The following XIRP2 variants were observed in gnomAD, a reference collection of about 807,000 sequenced individuals.
The protein encoded by XIRP2 is xin actin binding repeat containing 2.
XIRP2 carries 236 observed loss-of-function variants against 277.0 expected under a neutral mutation model. The observed-to-expected ratio is 0.85, with a 90% confidence interval of 0.77 to 0.95. XIRP2 has a LOEUF of 0.95. XIRP2 is among the 40% of genes least tolerant of loss of function. The pLI is 0.00. For missense variants in XIRP2, 4,640 were observed against 4,157.5 expected, an observed-to-expected ratio of 1.12 and a Z score of -3.19; for synonymous variants, 1,490 against 1,416.5, an observed-to-expected ratio of 1.05 and a Z score of -1.17.
At chr2:167,138,476 A>G (rs529757860) in intron 3 of XIRP2, among the ~76,000 whole-genome samples, 2 of 152,260 alleles carry the variant, frequency 1.3e-5, no homozygotes, top group African/African-American at 4.8e-5. Context: ...TTTGTGGACA[A>G]TTGCTCTCAC....
chr2:167,018,312 G>C (rs1687886407), intron 2 of XIRP2, among the ~76,000 whole-genome samples: 3 of 151,976 alleles, frequency 2.0e-5, no homozygotes, highest in Admixed American at 1.3e-4. Context: ...ATAGTCCTCA[G>C]ACCCTATTTT....
chr2:167,206,133 G>T (rs1292417128), intron 3 of XIRP2, among the ~76,000 whole-genome samples: 1 of 152,122 alleles, frequency 6.6e-6, no homozygotes, highest in Non-Finnish European at 1.5e-5. Flanking sequence ...GATAACTGCA[G>T]AATTTTTCTT....
intron 2 of XIRP2, among the ~76,000 whole-genome samples, chr2:167,093,460 C>G (rs769030619): frequency 3.3e-5 from 5 of 152,030 alleles, no homozygotes; most frequent in Admixed American, 6.6e-5. Context: ...AATGCTCTCC[C>G]TCCCTTTGCC....
At chr2:167,225,056 G>T (rs1694551811) in intron 5 of XIRP2, among the ~76,000 whole-genome samples, 1 of 152,136 alleles carries the variant, frequency 6.6e-6, no homozygotes, top group Non-Finnish European at 1.5e-5. Flanking sequence ...TAAATGACAA[G>T]ATAAGGTGGA....
Position 167,259,263 on chromosome 2 carries a change from G to A in XIRP2, c.*1446G>A. On this transcript the variant is annotated 3_prime_UTR_variant, in exon 11 of 11. Coordinates refer to ENST00000409195, the MANE Select transcript of XIRP2 (RefSeq NM_152381.6). Reference sequence around the variant, plus strand: ...GGTTTTGATGCTCTGAGCCATGAATGTACAGCTAAGCCTTTGTTTCCCAGA... The same window carrying A: ...GGTTTTGATGCTCTGAGCCATGAATATACAGCTAAGCCTTTGTTTCCCAGA... The A allele has an allele frequency of 6.2e-7, 1 of 1,613,402 alleles. No individual in the cohort carries two copies. Among genetic ancestry groups the A allele is most frequent in the Non-Finnish European group, 8.5e-7 (1 of 1,179,610 alleles).
intron 5 of XIRP2, among the ~76,000 whole-genome samples, chr2:167,238,527 GA>G (rs1467450929): frequency 6.6e-6 from 1 of 151,886 alleles, no homozygotes. Flanking sequence ...ACCCTTGAGG[GA>G]AAAAGTCTCA....
Position 166,979,579 on chromosome 2 carries a change from C to T in XIRP2, c.408+75689C>T, listed in dbSNP as rs747967427. Among the ~76,000 whole-genome samples, 15 of 151,344 alleles carry T rather than the reference C, an allele frequency of 9.9e-5. No homozygotes were observed. The South Asian group carries it at 2.1e-3, about 21-fold the overall frequency. The stretch of plus-strand genomic sequence containing the variant: ...TCTTTTTTATTCTTTGTTTCTGCAA[C>T]GGTTGTTTTTACCATGAATAGTATT... On this transcript the variant is annotated intron_variant, in intron 2 of 10. Coordinates refer to ENST00000409195, the MANE Select transcript of XIRP2 (RefSeq NM_152381.6).
At position 167,083,150 on chromosome 2, in the gene XIRP2, C is replaced by T. The variant is rs988389294; in HGVS notation, c.409-52759C>T. 3.3e-3 allele frequency among the ~76,000 whole-genome samples: 509 copies of T among 152,242 alleles called. 5 individuals are homozygous for T. Among genetic ancestry groups the T allele is most frequent in the Non-Finnish European group, 5.4e-3 (365 of 68,032 alleles). On this transcript the variant is annotated intron_variant, in intron 2 of 10. Transcript: ENST00000409195. ...GTGTAAGGAAGGGATCCAGTTTCAG[C>T]TTTCTACATATGGCTAGCCAGTTTT...
chr2:166,971,055 T>C (rs559834865), intron 2 of XIRP2, among the ~76,000 whole-genome samples: 19 of 151,928 alleles, frequency 1.3e-4, no homozygotes, highest in Non-Finnish European at 2.7e-4. Flanking sequence ...CAAGGAAATA[T>C]TAGGTACACA....
intron 2 of XIRP2, among the ~76,000 whole-genome samples, chr2:167,025,718 T>C (rs936975748): frequency 2.6e-5 from 4 of 152,160 alleles, no homozygotes; most frequent in East Asian, 1.9e-4. Context: ...ATGTACCCAG[T>C]AGTCATTCAG....
chr2:166,928,715 C>A (rs903855606), intron 2 of XIRP2, among the ~76,000 whole-genome samples: 3 of 152,068 alleles, frequency 2.0e-5, no homozygotes, highest in Non-Finnish European at 4.4e-5. Context: ...AACTGGCTGT[C>A]TTTAAATAAA....
chr2:166,903,736 A>T lies in XIRP2; in HGVS notation c.254A>T (p.Asn85Ile). Residue 85 changes from asparagine to isoleucine, a missense_variant, in exon 2 of 11, where the codon AAC becomes ATC. Transcript: ENST00000409195. ...GAGAAGGATTCTGTGGACAAGAGTA[A>T]CAACACCAGGGAATATGGTCGGCCA... The part of the protein sequence containing the change: ...PEEKDSVDKS[N>I]NTREYGRPEV... 6.2e-7 allele frequency: 1 copy of T among 1,613,652 alleles called. No homozygotes were observed. Among genetic ancestry groups the T allele is most frequent in the Non-Finnish European group, 8.5e-7 (1 of 1,179,798 alleles).
intron 3 of XIRP2, among the ~76,000 whole-genome samples, chr2:167,187,802 A>C (rs1016937929): frequency 2.0e-5 from 3 of 152,222 alleles, no homozygotes; most frequent in Non-Finnish European, 4.4e-5. Flanking sequence ...CATGAGTTAA[A>C]ATTATACTTC....
chr2:167,158,796 G>GA (rs1322650376), intron 3 of XIRP2, among the ~76,000 whole-genome samples: 11 of 152,158 alleles, frequency 7.2e-5, no homozygotes, highest in Admixed American at 7.2e-4. Context: ...TTATCAGTAA[G>GA]ATTCCAATCT....
intron 8 of XIRP2, 68 bp from the exon 9 acceptor site, chr2:167,242,501 G>A (rs1695101662): frequency 6.7e-7 from 1 of 1,496,160 alleles, no homozygotes; most frequent in South Asian, 1.3e-5. Context: ...GACCAATGAA[G>A]GGCAGTGCCT....
intron 3 of XIRP2, among the ~76,000 whole-genome samples, chr2:167,137,671 A>G (rs1208081927): frequency 2.6e-5 from 4 of 152,214 alleles, no homozygotes; most frequent in Admixed American, 2.0e-4. Context: ...TTTACTGTCA[A>G]GATATGACTG....
At chr2:167,057,197 C>A (rs951232417) in intron 2 of XIRP2, among the ~76,000 whole-genome samples, 2 of 152,022 alleles carry the variant, frequency 1.3e-5, no homozygotes, top group African/African-American at 4.8e-5. Context: ...GTTTCAGGAC[C>A]CAGATAATAA....
chr2:167,253,294 C>T (rs1206187409), intron 9 of XIRP2, among the ~76,000 whole-genome samples: 8 of 151,778 alleles, frequency 5.3e-5, no homozygotes, highest in Non-Finnish European at 8.8e-5. Context: ...TACAGGAAAG[C>T]CACAGGAAGT....
intron 2 of XIRP2, among the ~76,000 whole-genome samples, chr2:166,995,269 T>G (rs1177596992): frequency 6.6e-6 from 1 of 152,186 alleles, no homozygotes; most frequent in Non-Finnish European, 1.5e-5. Context: ...CCATCTGGCA[T>G]TTGGATATAT....
Sources: gnomAD v4.1 joint callset for allele counts (sites outside exome capture counted in the v4.1 genomes callset) on GRCh38, gnomAD v4.1.1 for gene constraint, MANE v1.5 for transcripts, NCBI Gene and HGNC (gene_info 2026-07-23, HGNC 2026-07-21) for gene names.